MBD5: variants seen among roughly 807,000 people sequenced by gnomAD.
MBD5 encodes methyl-CpG-binding domain protein 5.
Under a neutral mutation model 117.3 loss-of-function variants are expected in MBD5, and 13 were observed. The observed-to-expected ratio is 0.11, with a 90% CI of 0.07 to 0.18. MBD5 has a LOEUF of 0.18. MBD5 is among the 10% of genes least tolerant of loss of function. The pLI is 1.00. For missense variants in MBD5, 1,879 were observed against 2,093.8 expected (o/e 0.90, Z 2.00); for synonymous variants, 727 against 766.4 (o/e 0.95, Z 0.85).
At chr2:148,290,091 G>A (rs1312779147) in intron 3 of MBD5, among the ~76,000 whole-genome samples, 2 of 149,760 alleles carry the variant, frequency 1.3e-5, no homozygotes, top group Non-Finnish European at 1.5e-5. Context: ...AAGTAGCTGG[G>A]ATTACAGGTG....
At chr2:148,180,770 A>G (rs1037329407) in intron 2 of MBD5, among the ~76,000 whole-genome samples, 6 of 151,542 alleles carry the variant, frequency 4.0e-5, no homozygotes, top group Non-Finnish European at 8.8e-5. Flanking sequence ...GGGCACTGTC[A>G]TTACTGGTTC....
chr2:148,169,577 G>C (rs1327311819), intron 1 of MBD5, among the ~76,000 whole-genome samples: 1 of 152,136 alleles, frequency 6.6e-6, no homozygotes, highest in Non-Finnish European at 1.5e-5. Flanking sequence ...ATTTATTCCA[G>C]CTGGAGAGAT....
intron 4 of MBD5, among the ~76,000 whole-genome samples, chr2:148,449,227 G>A (rs1335031408): frequency 6.6e-6 from 1 of 152,000 alleles, no homozygotes; most frequent in African/African-American, 2.4e-5. Flanking sequence ...TTAAAGAAAG[G>A]AAGTGTTGCA....
rs142233455 is a variant in MBD5 at position 148,423,902 on chromosome 2, G to A, written c.-556-34301G>A. Among the ~76,000 whole-genome samples, 1,297 of 152,060 alleles carry A rather than the reference G, an allele frequency of 8.5e-3. 23 individuals carry two copies. The highest frequency in any genetic ancestry group is 0.03 in the African/African-American group (1,249 of 41,510). Reference sequence around the variant, plus strand: ...CAATAAAAAGCAGGGGTTGTGGCCAGGCATGGTGGCTCACGCCTGTAATCC... The same window carrying A: ...CAATAAAAAGCAGGGGTTGTGGCCAAGCATGGTGGCTCACGCCTGTAATCC... On this transcript the variant is annotated intron_variant, in intron 4 of 13. Coordinates refer to ENST00000642680, the MANE Select transcript of MBD5 (RefSeq NM_001378120.1).
At chr2:148,331,094 C>G (rs1483354237) in intron 3 of MBD5, among the ~76,000 whole-genome samples, 3 of 152,136 alleles carry the variant, frequency 2.0e-5, no homozygotes, top group African/African-American at 7.2e-5. Flanking sequence ...ATGCTAGCTT[C>G]CATGGCAGAT....
chr2:148,481,983 T>C (rs1465570506), intron 8 of MBD5, among the ~76,000 whole-genome samples: 2 of 152,292 alleles, frequency 1.3e-5, no homozygotes, highest in African/African-American at 4.8e-5. Flanking sequence ...ATTTAAAAAA[T>C]CATAAGTACA....
Position 148,029,110 on chromosome 2 carries a change from T to C in MBD5, c.-925+7426T>C, listed in dbSNP as rs150625051. ...TACTAGCTACAAATATCACTAATAG[T>C]GATGAGAGTGATGTTGACTAGCTAT... On this transcript the variant is annotated intron_variant, in intron 1 of 13. Transcript: ENST00000642680. Among the ~76,000 whole-genome samples the C allele has an allele frequency of 2.2e-4, 33 of 152,250 alleles. No individual in the cohort carries two copies. The East Asian group carries it at 4.2e-3, about 20-fold the overall frequency.
chr2:148,255,481 A>G (rs1700563773), intron 3 of MBD5, among the ~76,000 whole-genome samples: 1 of 152,188 alleles, frequency 6.6e-6, no homozygotes, highest in South Asian at 2.1e-4. Flanking sequence ...GGGAGCTACA[A>G]TGACCAACCA....
At chr2:148,283,492 G>C (rs569298692) in intron 3 of MBD5, among the ~76,000 whole-genome samples, 2 of 152,228 alleles carry the variant, frequency 1.3e-5, no homozygotes, top group African/African-American at 4.8e-5. Context: ...TTAGCAATTC[G>C]AAGCAGAAAT....
chr2:148,446,120 C>G (rs4972361), intron 4 of MBD5, among the ~76,000 whole-genome samples: 149,591 of 150,900 alleles, frequency 0.99, 74,172 homozygotes, highest in East Asian at 1. Context: ...TTGCTGTGCA[C>G]AAGCTCTTTA....
At chr2:148,429,529 A>G (rs879086898) in intron 4 of MBD5, among the ~76,000 whole-genome samples, 1 of 152,208 alleles carries the variant, frequency 6.6e-6, no homozygotes, top group Non-Finnish European at 1.5e-5. Context: ...TCATTCTCCT[A>G]TAAAGACACA....
At chr2:148,048,384 A>G (rs1302969384) in intron 1 of MBD5, among the ~76,000 whole-genome samples, 4 of 152,140 alleles carry the variant, frequency 2.6e-5, no homozygotes, top group Non-Finnish European at 2.9e-5. Flanking sequence ...AGATGAGTAA[A>G]CACAACATCT....
At position 148,483,369 on chromosome 2, in the gene MBD5, G is replaced by C. The variant is rs760520878; in HGVS notation, c.2778G>C (p.Leu926Phe). 1.9e-6 allele frequency: 3 copies of C among 1,613,918 alleles called. No individual in the cohort carries two copies. Among genetic ancestry groups the C allele is most frequent in the Non-Finnish European group, 2.5e-6 (3 of 1,179,994 alleles). The change falls in exon 9 of 14, where the codon TTG becomes TTC. Residue 926 changes from leucine to phenylalanine, a missense_variant. This residue lies in a region of MBD5 where 1,666 missense variants were observed against 1,792.2 expected (regional missense o/e 0.93). Transcript: ENST00000642680. ...TCCTCAGTTCTCTACCTATCTCTTT[G>C]CCAGTGAATCAACAGCATCTCCTAA... is the stretch of plus-strand genomic sequence containing the variant. Reference protein sequence around the residue: ...PSLLSSLPISLPVNQQHLLNQ... With the variant: ...PSLLSSLPISFPVNQQHLLNQ...
At chr2:148,162,695 T>C (rs1698037311) in intron 1 of MBD5, among the ~76,000 whole-genome samples, 1 of 152,108 alleles carries the variant, frequency 6.6e-6, no homozygotes, top group South Asian at 2.1e-4. Flanking sequence ...AAAATCAATA[T>C]AAGTAATAAA....
chr2:148,281,717 A>G (rs1183368976), intron 3 of MBD5, among the ~76,000 whole-genome samples: 2 of 151,956 alleles, frequency 1.3e-5, no homozygotes, highest in African/African-American at 4.8e-5. Context: ...GTTTATCCCA[A>G]TCATTGAGTC....
At chr2:148,075,937 T>C (rs1267408265) in intron 1 of MBD5, among the ~76,000 whole-genome samples, 2 of 152,166 alleles carry the variant, frequency 1.3e-5, no homozygotes, top group Non-Finnish European at 2.9e-5. Context: ...ATAAATGTAT[T>C]AATGATCAAA....
intron 2 of MBD5, among the ~76,000 whole-genome samples, chr2:148,181,840 A>T (rs890454983): frequency 3.3e-5 from 5 of 152,120 alleles, no homozygotes; most frequent in Non-Finnish European, 7.4e-5. Flanking sequence ...TCCCATTAAA[A>T]ATATTTTCTT....
chr2:148,115,130 A>G (rs1220708405), intron 1 of MBD5, among the ~76,000 whole-genome samples: 1 of 152,190 alleles, frequency 6.6e-6, no homozygotes, highest in Non-Finnish European at 1.5e-5. Context: ...TACTGGTAAC[A>G]TCTTGTCAGA....
chr2:148,147,827 T>A (rs112254855), intron 1 of MBD5, among the ~76,000 whole-genome samples: 165 of 152,244 alleles, frequency 1.1e-3, no homozygotes, highest in Middle Eastern at 0.01. Context: ...GCAGACTGTT[T>A]ACTACTCTGT....
Sources: gnomAD v4.1 joint callset for allele counts (sites outside exome capture counted in the v4.1 genomes callset) on GRCh38, gnomAD v4.1.1 for gene constraint, gnomAD v4.1.1 regional missense constraint, MANE v1.5 for transcripts, NCBI Gene and HGNC (gene_info 2026-07-23, HGNC 2026-07-21) for gene names.